The following CTIF variants were observed in gnomAD, a reference collection of about 807,000 sequenced individuals.
CTIF encodes cap binding complex dependent translation initiation factor.
In CTIF, 21 loss-of-function variants were observed where a neutral mutation model predicts 66.0. The observed-to-expected ratio is 0.32, with a 90% CI of 0.23 to 0.46. The LOEUF is 0.46. CTIF is among the 20% of genes least tolerant of loss of function. CTIF has a pLI of 1.00. For synonymous variants in CTIF, 345 were observed against 326.4 expected (o/e 1.06, Z -0.62); for missense variants, 739 against 812.7 (o/e 0.91, Z 1.10).
chr18:48,788,263 G>C (rs1419917120), intron 9 of CTIF, among the ~76,000 whole-genome samples: 3 of 152,166 alleles, frequency 2.0e-5, no homozygotes, highest in Admixed American at 6.5e-5. Context: ...GGGCCAGTGC[G>C]TCCCAGCTTT....
chr18:48,802,030 C>T (rs182916259), intron 9 of CTIF, among the ~76,000 whole-genome samples: 217 of 152,332 alleles, frequency 1.4e-3, no homozygotes, highest in Non-Finnish European at 2.5e-3. Context: ...CACCTGTTTG[C>T]GTCACTCTGT....
At chr18:48,770,321 T>C (rs913893248) in intron 9 of CTIF, among the ~76,000 whole-genome samples, 1 of 152,310 alleles carries the variant, frequency 6.6e-6, no homozygotes, top group African/African-American at 2.4e-5. Flanking sequence ...ACTGCGCCAC[T>C]GTGCCACTGC....
At chr18:48,645,502 T>G (rs1444520299) in intron 3 of CTIF, among the ~76,000 whole-genome samples, 1 of 152,146 alleles carries the variant, frequency 6.6e-6, no homozygotes, top group Non-Finnish European at 1.5e-5. Flanking sequence ...CCACCCCTGC[T>G]GGGCTATCAG....
At chr18:48,777,440 A>C (rs1910793975) in intron 9 of CTIF, among the ~76,000 whole-genome samples, 1 of 152,158 alleles carries the variant, frequency 6.6e-6, no homozygotes, top group Non-Finnish European at 1.5e-5. Context: ...TCAGGCTGAG[A>C]GTTGGACTAG....
chr18:48,817,409 G>T (rs534011721), intron 10 of CTIF, 33 bp downstream of exon 10: 1 of 1,587,890 alleles, frequency 6.3e-7, no homozygotes, highest in East Asian at 2.2e-5. Context: ...CCCCTGCACA[G>T]CCAGACAGCA....
chr18:48,748,700 TACC>T (rs935611640), intron 7 of CTIF, among the ~76,000 whole-genome samples: 2 of 152,226 alleles, frequency 1.3e-5, no homozygotes, highest in African/African-American at 4.8e-5. Flanking sequence ...TTCAAGTTTT[TACC>T]ACATCAGGCT....
At chr18:48,718,824 C>G (rs1317175807) in intron 7 of CTIF, among the ~76,000 whole-genome samples, 2 of 152,118 alleles carry the variant, frequency 1.3e-5, no homozygotes, top group Non-Finnish European at 2.9e-5. Flanking sequence ...CCATTTATGA[C>G]CTCATGTAAA....
chr18:48,607,386 C>T (rs572248514), intron 1 of CTIF, among the ~76,000 whole-genome samples: 16 of 152,356 alleles, frequency 1.1e-4, no homozygotes, highest in African/African-American at 3.6e-4. Flanking sequence ...GAAGAGGGGC[C>T]TGCCCTCTGA....
chr18:48,762,524 C>T (rs1042259661), intron 9 of CTIF, among the ~76,000 whole-genome samples: 2 of 152,214 alleles, frequency 1.3e-5, no homozygotes, highest in Non-Finnish European at 2.9e-5. Context: ...CTTGGAGACT[C>T]TTGGCTGGGG....
chr18:48,607,234 C>T (rs1330228221), intron 1 of CTIF, among the ~76,000 whole-genome samples: 1 of 152,302 alleles, frequency 6.6e-6, no homozygotes, highest in East Asian at 1.9e-4. Context: ...CTTTTGCTGC[C>T]GATTTCTTTG....
chr18:48,815,759 A>T (rs1265694162), intron 9 of CTIF, among the ~76,000 whole-genome samples: 1 of 152,186 alleles, frequency 6.6e-6, no homozygotes, highest in Non-Finnish European at 1.5e-5. Context: ...AGATGCTGAG[A>T]TTCTGGTGCC....
chr18:48,681,457 T>C (rs920235189), intron 6 of CTIF, among the ~76,000 whole-genome samples: 1 of 152,196 alleles, frequency 6.6e-6, no homozygotes, highest in African/African-American at 2.4e-5. Context: ...CATTGACTCG[T>C]AGCCTGCCAG....
At chr18:48,840,818 C>T (rs952731636) in intron 10 of CTIF, among the ~76,000 whole-genome samples, 4 of 152,118 alleles carry the variant, frequency 2.6e-5, no homozygotes, top group Non-Finnish European at 4.4e-5. Flanking sequence ...ACTCCCTCAC[C>T]CAAAGGATAG....
intron 10 of CTIF, among the ~76,000 whole-genome samples, chr18:48,857,187 G>A (rs950495967): frequency 3.3e-5 from 5 of 152,190 alleles, no homozygotes; most frequent in Admixed American, 6.5e-5. Flanking sequence ...CACCCATAGA[G>A]GAGTTACCAA....
At chr18:48,728,302 G>A (rs568220041) in intron 7 of CTIF, among the ~76,000 whole-genome samples, 22 of 152,130 alleles carry the variant, frequency 1.4e-4, no homozygotes, top group Non-Finnish European at 2.8e-4. Context: ...TTCTGGCTCC[G>A]GCCCACTGCC....
chr18:48,856,956 A>T (rs545080932), intron 10 of CTIF, among the ~76,000 whole-genome samples: 15 of 152,274 alleles, frequency 9.9e-5, no homozygotes, highest in Non-Finnish European at 1.8e-4. Context: ...AGAATGAGCC[A>T]GGCAAGTCGG....
intron 7 of CTIF, among the ~76,000 whole-genome samples, chr18:48,722,945 G>A (rs1414026389): frequency 6.6e-6 from 1 of 152,222 alleles, no homozygotes; most frequent in Non-Finnish European, 1.5e-5. Flanking sequence ...ATGTCACTCA[G>A]CAATTCACAA....
intron 1 of CTIF, among the ~76,000 whole-genome samples, chr18:48,563,249 G>A (rs939353372): frequency 7.3e-6 from 1 of 136,330 alleles, no homozygotes; most frequent in Non-Finnish European, 1.6e-5. Flanking sequence ...GATGTAAACT[G>A]TACTAGGAGC....
At chr18:48,650,206 C>T (rs2091129327) in intron 3 of CTIF, among the ~76,000 whole-genome samples, 1 of 152,118 alleles carries the variant, frequency 6.6e-6, no homozygotes, top group Admixed American at 6.5e-5. Context: ...TGTTTGAACC[C>T]ATCATAAGGA....
Sources: gnomAD v4.1 joint callset for allele counts (sites outside exome capture counted in the v4.1 genomes callset) on GRCh38, gnomAD v4.1.1 for gene constraint, MANE v1.5 for transcripts, NCBI Gene and HGNC (gene_info 2026-07-23, HGNC 2026-07-21) for gene names.